AGMO: variants seen among roughly 807,000 people sequenced by gnomAD.
AGMO encodes alkylglycerol monooxygenase.
A neutral mutation model predicts 60.2 loss-of-function variants in AGMO; 75 were observed. That is an observed-to-expected ratio of 1.25 (90% confidence interval 1.03 to 1.51). The LOEUF is 1.51. Ranked by LOEUF, AGMO falls within the 40% of genes most tolerant of loss-of-function variation. The pLI is 0.00. For synonymous variants in AGMO, 261 were observed against 177.1 expected (o/e 1.47, Z -3.76); for missense variants, 763 against 525.5 (o/e 1.45, Z -4.42).
chr7:15,369,473 A>G (rs1210418802), intron 10 of AGMO, among the ~76,000 whole-genome samples: 1 of 151,812 alleles, frequency 6.6e-6, no homozygotes, highest in Non-Finnish European at 1.5e-5. Context: ...CATGACAAAC[A>G]TTTTCCCCAC....
At chr7:15,354,061 T>A (rs1224702461) in intron 12 of AGMO, among the ~76,000 whole-genome samples, 2 of 152,010 alleles carry the variant, frequency 1.3e-5, no homozygotes, top group African/African-American at 4.8e-5. Flanking sequence ...TAATATTGCT[T>A]AATTTTACTT....
intron 12 of AGMO, among the ~76,000 whole-genome samples, chr7:15,339,197 G>A (rs1255469165): frequency 1.3e-5 from 2 of 152,072 alleles, no homozygotes; most frequent in South Asian, 4.1e-4. Context: ...CAGATCATGA[G>A]TACTAGTTGA....
rs1288487705 is a variant in AGMO, at chr7:15,468,846, T to C, written c.410-37738A>G. 5.9e-5 allele frequency among the ~76,000 whole-genome samples: 9 copies of C among 152,236 alleles called. 1 individual carries two copies. In the East Asian group the frequency reaches 1.7e-3, roughly 29 times the overall value. On this transcript the variant is annotated intron_variant, in intron 3 of 12. Coordinates refer to ENST00000342526, the MANE Select transcript of AGMO (RefSeq NM_001004320.2). ...GATGGATGATTTTATGATTCAAATT[T>C]TGTTTTAATACTGTAAACTGTGAGA...
chr7:15,257,084 CAT>C (rs1460632408), intron 12 of AGMO, among the ~76,000 whole-genome samples: 1 of 152,026 alleles, frequency 6.6e-6, no homozygotes, highest in Non-Finnish European at 1.5e-5. Context: ...TTATTTTTGG[CAT>C]ATGTTTTTGT....
At chr7:15,256,451 T>C (rs554772562) in intron 12 of AGMO, among the ~76,000 whole-genome samples, 1 of 152,286 alleles carries the variant, frequency 6.6e-6, no homozygotes, top group African/African-American at 2.4e-5. Flanking sequence ...CACGCCATTC[T>C]CCTGCCTCAG....
At chr7:15,374,136 C>A (rs1191717341) in intron 10 of AGMO, among the ~76,000 whole-genome samples, 2 of 151,548 alleles carry the variant, frequency 1.3e-5, no homozygotes, top group African/African-American at 4.9e-5. Context: ...CAATGTGACA[C>A]CATACTGCAA....
At chr7:15,349,559 C>G (rs992199882) in intron 12 of AGMO, among the ~76,000 whole-genome samples, 1 of 152,094 alleles carries the variant, frequency 6.6e-6, no homozygotes, top group Non-Finnish European at 1.5e-5. Flanking sequence ...TACCTCATTT[C>G]TCACAGGTTC....
At chr7:15,430,328 C>T (rs1157673210) in intron 4 of AGMO, among the ~76,000 whole-genome samples, 1 of 151,786 alleles carries the variant, frequency 6.6e-6, no homozygotes, top group South Asian at 2.1e-4. Flanking sequence ...TTCTAGCTCA[C>T]TGTTCAACAT....
rs749325130 is a variant in AGMO at position 15,390,846 on chromosome 7, T to C, written c.736A>G (p.Ile246Val). 6.9e-6 allele frequency: 11 copies of C among 1,604,506 alleles called. No homozygotes were observed. In the African/African-American group the frequency reaches 1.3e-4, roughly 20 times the overall value. ...YAGVLIIWDK[I>V]FGTFEAENEK... The stretch of plus-strand genomic sequence containing the variant: ...TTTAATACATTTTACTTACCAAAAA[T>C]TTTATCCCAAATAATAAGAACACCA... The change falls in exon 7 of 13, where the codon ATT (isoleucine) becomes GTT (valine). Residue 246 changes from isoleucine to valine, a missense_variant. Transcript: ENST00000342526.
chr7:15,305,916 T>C (rs926530415), intron 12 of AGMO, among the ~76,000 whole-genome samples: 1 of 151,990 alleles, frequency 6.6e-6, no homozygotes, highest in African/African-American at 2.4e-5. Flanking sequence ...TAAAGACTGA[T>C]TTCATTTTAA....
chr7:15,319,265 T>G (rs762546609), intron 12 of AGMO, among the ~76,000 whole-genome samples: 1 of 152,194 alleles, frequency 6.6e-6, no homozygotes, highest in Non-Finnish European at 1.5e-5. Flanking sequence ...AGTGTGGAAT[T>G]ACCAGAGTAG....
intron 12 of AGMO, among the ~76,000 whole-genome samples, chr7:15,354,496 G>GTATATA (rs60044874): frequency 1.1e-3 from 21 of 18,768 alleles, no homozygotes; most frequent in South Asian, 3.0e-3. Context: ...ATACACACGT[G>GTATATA]TATATATATA....
At chr7:15,229,748 T>TAA (rs1293114471) in intron 12 of AGMO, among the ~76,000 whole-genome samples, 1 of 147,480 alleles carries the variant, frequency 6.8e-6, no homozygotes, top group African/African-American at 2.5e-5. Context: ...ATAATATATA[T>TAA]AAATAATTAG....
the AGMO span, among the ~76,000 whole-genome samples, chr7:15,190,435 T>C: frequency 6.6e-6 from 1 of 151,866 alleles, no homozygotes; most frequent in Non-Finnish European, 1.5e-5. Flanking sequence ...CATATAAAAC[T>C]TTGATTTCTC....
chr7:15,248,113 C>A (rs1782803374), intron 12 of AGMO, among the ~76,000 whole-genome samples: 1 of 138,214 alleles, frequency 7.2e-6, no homozygotes, highest in African/African-American at 2.7e-5. Flanking sequence ...AAATCATTAG[C>A]TGTTGTGGTG....
intron 5 of AGMO, among the ~76,000 whole-genome samples, chr7:15,395,339 C>T (rs545192055): frequency 1.3e-5 from 2 of 152,022 alleles, no homozygotes; most frequent in African/African-American, 4.8e-5. Flanking sequence ...GATAAGACTG[C>T]TTAAAATTAA....
At chr7:15,365,379 G>GAAAAAAAAAAAAAAAAAAAAAA (rs1782929826) in intron 12 of AGMO, 135 bp downstream of exon 12, 1 of 217,792 alleles carries the variant, frequency 4.6e-6, no homozygotes, top group Admixed American at 9.7e-5. Flanking sequence ...GTACTGGTAA[G>GAAAAAAAAAAAAAAAAAAAAAA]TAAAAAAAAA....
At chr7:15,531,841 G>A (rs537980844) in intron 3 of AGMO, among the ~76,000 whole-genome samples, 1 of 150,958 alleles carries the variant, frequency 6.6e-6, no homozygotes, top group Non-Finnish European at 1.5e-5. Context: ...GCTAATTTTT[G>A]TCTTTTTAGT....
intron 12 of AGMO, among the ~76,000 whole-genome samples, chr7:15,216,298 T>G (rs1431473830): frequency 3.9e-5 from 6 of 152,124 alleles, no homozygotes. Flanking sequence ...TCTGTTCTTG[T>G]CCACAGAGGG....
Sources: allele counts gnomAD v4.1 joint callset (sites outside exome capture counted in the v4.1 genomes callset), GRCh38; gene constraint gnomAD v4.1.1; transcripts MANE v1.5; gene names NCBI Gene and HGNC (gene_info 2026-07-23, HGNC 2026-07-21).